The following CHD1 variants were observed in gnomAD, a reference collection of about 807,000 sequenced individuals.
CHD1 encodes the protein chromodomain helicase DNA binding protein 1.
CHD1 carries 36 observed loss-of-function variants against 224.2 expected under a neutral mutation model. The observed-to-expected ratio is 0.16, with a 90% CI of 0.12 to 0.21. The LOEUF (loss-of-function observed/expected upper bound fraction) is 0.21. Ranked by LOEUF, CHD1 falls within the 10% of genes least tolerant of loss-of-function variation. The pLI, the probability that CHD1 is intolerant of heterozygous loss-of-function variation, is 1.00. For missense variants in CHD1, 1,378 were observed against 1,994.8 expected, an observed-to-expected ratio of 0.69 and a Z score of 5.89; for synonymous variants, 668 against 658.3, an observed-to-expected ratio of 1.01 and a Z score of -0.23.
At chr5:98,891,180 C>T (rs1750999818) in intron 15 of CHD1, among the ~76,000 whole-genome samples, 1 of 152,024 alleles carries the variant, frequency 6.6e-6, no homozygotes, top group African/African-American at 2.4e-5. Context: ...CTCAAGCGAT[C>T]CTCCCACCTC....
chr5:98,898,574 G>A, intron 9 of CHD1, 90 bp downstream of exon 9: 1 of 1,204,220 alleles, frequency 8.3e-7, no homozygotes, highest in Non-Finnish European at 1.2e-6. Flanking sequence ...GCAAGCTACT[G>A]TGTTTGATAT....
chr5:98,903,095 G>GT, intron 4 of CHD1, 131 bp from the exon 5 acceptor site: 1 of 502,166 alleles, frequency 2.0e-6, no homozygotes, highest in African/African-American at 2.0e-5. Context: ...TTTCAATGTA[G>GT]TTTTATTTAT....
In CHD1 at chr5:98,860,279, T is replaced by A. The variant is rs974572032; in HGVS notation, c.4428-211A>T. 3 of 525,088 alleles carry A rather than the reference T, an allele frequency of 5.7e-6. No homozygotes were observed. The Admixed American group carries it at 8.0e-5, about 14-fold the overall frequency. 32.5% of individuals were successfully genotyped at this position (525,088 alleles called of 1,614,324 possible). Reference sequence around the variant, plus strand: ...GTGAAACTAAACATTAAATTTTACTTCTCTTCCAAATCGCTTCATTTTATA... The same window carrying A: ...GTGAAACTAAACATTAAATTTTACTACTCTTCCAAATCGCTTCATTTTATA... On this transcript the variant is annotated intron_variant, in intron 32 of 35. Transcript: ENST00000614616.
Position 98,896,218 on chromosome 5 carries a change from C to T in CHD1, c.1710+8G>A. The T allele has an allele frequency of 6.2e-7, 1 of 1,602,354 alleles. No homozygotes were observed. The highest frequency in any genetic ancestry group is 8.6e-7 in the Non-Finnish European group (1 of 1,169,486). On this transcript the variant is annotated splice_region_variant and intron_variant, in intron 12 of 35. Transcript: ENST00000614616. ...TTTGATTTCTACATTTACAGGGAAA[C>T]AACTTACCATGTTTCTGCTGTTAAT...
chr5:98,879,419 G>A (rs1750003535), intron 23 of CHD1, 133 bp downstream of exon 23: 1 of 642,486 alleles, frequency 1.6e-6, no homozygotes. Flanking sequence ...CTCATTTCAT[G>A]AGGCAAACAT....
intron 24 of CHD1, 70 bp downstream of exon 24, chr5:98,876,328 C>T (rs1749751760): frequency 9.6e-6 from 14 of 1,457,238 alleles, no homozygotes; most frequent in Middle Eastern, 1.8e-4. Flanking sequence ...TTGAAAATTA[C>T]GGCGTTTTTA....
intron 26 of CHD1, 146 bp downstream of exon 26, chr5:98,873,447 A>G: frequency 1.7e-6 from 1 of 573,466 alleles, no homozygotes; most frequent in South Asian, 4.5e-5. Context: ...TCCATTTCCT[A>G]TTACCCAGAA....
chr5:98,876,928 G>C (rs551027783), intron 23 of CHD1, among the ~76,000 whole-genome samples: 131 of 152,326 alleles, frequency 8.6e-4, no homozygotes, highest in African/African-American at 2.9e-3. Flanking sequence ...AGCATGACTG[G>C]GAGGCCAAGG....
At chr5:98,886,453 T>C (rs751344765) in intron 17 of CHD1, among the ~76,000 whole-genome samples, 9 of 152,220 alleles carry the variant, frequency 5.9e-5, no homozygotes, top group Non-Finnish European at 1.0e-4. Context: ...TGAACGCTTA[T>C]TAAACATTAG....
At chr5:98,912,773 T>C (rs747106272) in intron 2 of CHD1, among the ~76,000 whole-genome samples, 42 of 152,224 alleles carry the variant, frequency 2.8e-4, no homozygotes, top group Non-Finnish European at 5.0e-4. Flanking sequence ...TTTACGTGTA[T>C]TTAAACATTA....
chr5:98,922,107 G>A (rs756805136), intron 2 of CHD1, among the ~76,000 whole-genome samples: 5 of 151,994 alleles, frequency 3.3e-5, no homozygotes, highest in South Asian at 2.1e-4. Flanking sequence ...AGCCAAGATC[G>A]TGCTACTGCA....
rs541562468 is a variant in CHD1, at chr5:98,879,826, G to A, written c.3061-98C>T. Reference sequence around the variant, plus strand: ...GAACTGGCATGCTCCTTAGGATAATGAACATGGCTGTGGACTAAACCAAAT... The same window carrying A: ...GAACTGGCATGCTCCTTAGGATAATAAACATGGCTGTGGACTAAACCAAAT... On this transcript the variant is annotated intron_variant, in intron 22 of 35. Coordinates refer to ENST00000614616, the MANE Select transcript of CHD1 (RefSeq NM_001270.4). The A allele has an allele frequency of 5.6e-5, 39 of 702,294 alleles. No homozygotes were observed. The African/African-American group carries it at 6.6e-4, about 12-fold the overall frequency. The allele number at this position is 702,294 out of a possible 1,614,324, so 43.5% of individuals were successfully genotyped here. A position where few individuals can be genotyped will look rare whatever the true frequency, so the allele number is the denominator to read the frequency against.
intron 2 of CHD1, among the ~76,000 whole-genome samples, chr5:98,906,262 A>G (rs1407955067): frequency 6.6e-6 from 1 of 152,208 alleles, no homozygotes; most frequent in Non-Finnish European, 1.5e-5. Flanking sequence ...TAGAAACAGT[A>G]AATTAAAATT....
At chr5:98,919,016 A>T (rs1240798003) in intron 2 of CHD1, among the ~76,000 whole-genome samples, 1 of 151,998 alleles carries the variant, frequency 6.6e-6, no homozygotes, top group African/African-American at 2.4e-5. Flanking sequence ...TTCCATTATC[A>T]CCCCTAGATT....
chr5:98,870,860 T>G, intron 28 of CHD1, 57 bp from the exon 29 acceptor site: 1 of 1,063,060 alleles, frequency 9.4e-7, no homozygotes, highest in East Asian at 2.4e-5. Flanking sequence ...AGAAATGTAC[T>G]GGCTAAAAAA....
chr5:98,911,085 T>C (rs1015091353), intron 2 of CHD1, among the ~76,000 whole-genome samples: 5 of 123,446 alleles, frequency 4.1e-5, no homozygotes, highest in Admixed American at 9.5e-5. Context: ...AAGGCTGCAA[T>C]AGGGAAGATA....
At chr5:98,918,933 CT>C (rs1752922311) in intron 2 of CHD1, among the ~76,000 whole-genome samples, 1 of 152,144 alleles carries the variant, frequency 6.6e-6, no homozygotes, top group African/African-American at 2.4e-5. Context: ...CCTCCATTTT[CT>C]TTTTACCTCA....
intron 28 of CHD1, among the ~76,000 whole-genome samples, chr5:98,871,627 A>G (rs187633012): frequency 5.3e-5 from 8 of 152,190 alleles, no homozygotes; most frequent in South Asian, 2.1e-4. Flanking sequence ...ATAGCTAGAA[A>G]AGAATCACTT....
intron 31 of CHD1, among the ~76,000 whole-genome samples, chr5:98,867,795 G>GTTTTTTTT (rs71619163): frequency 7.1e-5 from 7 of 98,064 alleles, no homozygotes; most frequent in Admixed American, 1.3e-4. Context: ...TATCTTCCTT[G>GTTTTTTTT]TTTTTTTTTT....
Sources: allele counts gnomAD v4.1 joint callset (sites outside exome capture counted in the v4.1 genomes callset), GRCh38; gene constraint gnomAD v4.1.1; transcripts MANE v1.5; gene names NCBI Gene and HGNC (gene_info 2026-07-23, HGNC 2026-07-21).